Variants in LPO observed in about 807,000 individuals in gnomAD.
The protein encoded by LPO is lactoperoxidase.
Under a neutral mutation model 68.4 loss-of-function variants are expected in LPO, and 70 were observed. The ratio of observed to expected loss-of-function variants is 1.02; its 90% CI spans 0.84 to 1.25. The LOEUF (loss-of-function observed/expected upper bound fraction) is 1.25. Ranked by LOEUF, LPO falls within the 50% of genes most tolerant of loss-of-function variation. The pLI is 0.00. For missense variants in LPO, 873 were observed against 908.4 expected (o/e 0.96, Z 0.50); for synonymous variants, 360 against 357.6 (o/e 1.01, Z -0.08).
rs1270937011 is a variant in LPO at position 58,247,626 on chromosome 17, A to G, written c.313A>G (p.Thr105Ala). 20 of 1,613,646 alleles carry G rather than the reference A, an allele frequency of 1.2e-5. No individual in the cohort carries two copies. Among genetic ancestry groups the G allele is most frequent in the Non-Finnish European group, 1.7e-5 (20 of 1,179,782 alleles). Residue 105 changes from threonine (T) to alanine (A), a missense_variant, in exon 4 of 13, where the codon ACC (threonine) becomes GCC (alanine). Thr to Ala is a moderately conservative substitution (Grantham distance 58). Coordinates refer to ENST00000262290, the MANE Select transcript of LPO (RefSeq NM_006151.3). ...GAGACTGAGGCAGAAGGCATCCTTG[A>G]CCAATGTCACAGGTACAGAAAACCC... Reference protein sequence around the residue: ...LKRLRQKASLTNVTDPSLDLT... With the variant: ...LKRLRQKASLANVTDPSLDLT...
In LPO at chr17:58,259,803, C is replaced by G. The variant is rs1387551459; in HGVS notation, c.1266+4832C>G. ...CTGTACATGTTTTGTTAGATTTATA[C>G]CTCAGTATTTAATTTTCATTTTGTT... On this transcript the variant is annotated intron_variant, in intron 9 of 12. Coordinates refer to ENST00000262290, the MANE Select transcript of LPO (RefSeq NM_006151.3). 3.3e-5 allele frequency among the ~76,000 whole-genome samples: 5 copies of G among 152,162 alleles called. No individual in the cohort carries two copies. The South Asian group carries it at 1.0e-3, about 32-fold the overall frequency.
chr17:58,265,006 G>A (rs1970237196), intron 10 of LPO, 32 bp downstream of exon 10: 1 of 1,609,850 alleles, frequency 6.2e-7, no homozygotes, highest in African/African-American at 1.3e-5. Context: ...CTGTCACCTG[G>A]GTCTCCCACT....
intron 9 of LPO, among the ~76,000 whole-genome samples, chr17:58,259,540 G>A (rs189497924): frequency 1.1e-3 from 166 of 152,170 alleles, no homozygotes; most frequent in African/African-American, 3.5e-3. Context: ...TTTCAAAATT[G>A]TTTTGGATAT....
chr17:58,244,090 GACACACACACACACACACACACACACAC>G lies in LPO; in HGVS notation c.164+24_164+51del. 4 of 1,060,380 alleles carry G rather than the reference GACACACACACACACACACACACACACAC, an allele frequency of 3.8e-6. No individual in the cohort carries two copies. Among genetic ancestry groups the G allele is most frequent in the Non-Finnish European group, 5.7e-6 (4 of 706,594 alleles). 65.7% of individuals were successfully genotyped at this position (1,060,380 alleles called of 1,614,324 possible). On this transcript the variant is annotated intron_variant, in intron 3 of 12. Coordinates refer to ENST00000262290, the MANE Select transcript of LPO (RefSeq NM_006151.3). The stretch of plus-strand genomic sequence containing the variant: ...CTGGACTCCCGAACCAGGTACGTGA[GACACACACACACACACACACACACACAC>G]ACACACACACACACTTCCCTTCACA...
rs8178285 is a variant in LPO at position 58,241,253 on chromosome 17, G to T, written c.-2-1725G>T. 1.3e-5 allele frequency among the ~76,000 whole-genome samples: 2 copies of T among 150,036 alleles called. 1 individual carries two copies. The highest frequency in any genetic ancestry group is 4.9e-5 in the African/African-American group (2 of 40,676). Reference sequence around the variant, plus strand: ...AGTCTCCCGAGTAGCTGGAATTGCCGGTGTCTGCCACCACGCCTGGCTAAT... The same window carrying T: ...AGTCTCCCGAGTAGCTGGAATTGCCTGTGTCTGCCACCACGCCTGGCTAAT... On this transcript the variant is annotated intron_variant, in intron 1 of 12. Transcript: ENST00000262290.
chr17:58,256,877 A>G lies in LPO; in HGVS notation c.1266+1906A>G, dbSNP rs770888161. 2.6e-5 allele frequency among the ~76,000 whole-genome samples: 4 copies of G among 151,750 alleles called. No homozygotes were observed. In the East Asian group the frequency reaches 5.8e-4, roughly 22 times the overall value. On this transcript the variant is annotated intron_variant, in intron 9 of 12. Transcript: ENST00000262290. Reference sequence around the variant, plus strand: ...TATCCATCCTCTCAAGCATTTATACATTGAGTTGCAAACAATCCAGTTACA... The same window carrying G: ...TATCCATCCTCTCAAGCATTTATACGTTGAGTTGCAAACAATCCAGTTACA...
chr17:58,241,125 C>CT (rs1161572564), intron 1 of LPO, among the ~76,000 whole-genome samples: 3,042 of 91,240 alleles, frequency 0.033, 123 homozygotes, highest in African/African-American at 0.071. Flanking sequence ...TTTCTTTTTT[C>CT]TTTTTTTTTT....
At chr17:58,244,182 G>A (rs942920823) in intron 3 of LPO, 101 bp downstream of exon 3, 9 of 921,894 alleles carry the variant, frequency 9.8e-6, no homozygotes, top group Non-Finnish European at 1.4e-5. Flanking sequence ...GGCCAGCCCG[G>A]ATGAGCCAAT....
At chr17:58,253,082 T>C (rs1283892603) in intron 8 of LPO, among the ~76,000 whole-genome samples, 1 of 132,960 alleles carries the variant, frequency 7.5e-6, no homozygotes, top group East Asian at 2.3e-4. Flanking sequence ...AAAAAGAAAA[T>C]TCACACAATC....
At chr17:58,259,422 G>C (rs1970135064) in intron 9 of LPO, among the ~76,000 whole-genome samples, 1 of 152,120 alleles carries the variant, frequency 6.6e-6, no homozygotes, top group Non-Finnish European at 1.5e-5. Context: ...ATCTATTTCT[G>C]GGTTGTCTAT....
chr17:58,243,728 A>C (rs1347749518), intron 2 of LPO: 2 of 525,804 alleles, frequency 3.8e-6, no homozygotes, highest in Non-Finnish European at 6.9e-6. Context: ...CTGAGTGGCC[A>C]CACTCCCTCT....
intron 8 of LPO, 126 bp from the exon 9 acceptor site, chr17:58,254,685 T>G: frequency 2.5e-6 from 2 of 796,818 alleles, no homozygotes; most frequent in Non-Finnish European, 3.7e-6. Context: ...TGACGGGAAG[T>G]AGGGCTTGTT....
chr17:58,264,727 C>G lies in LPO; in HGVS notation c.1272C>G (p.Ile424Met), dbSNP rs1212879854. 6.2e-7 allele frequency: 1 copy of G among 1,613,936 alleles called. No homozygotes were observed. The highest frequency in any genetic ancestry group is 1.7e-5 in the Admixed American group (1 of 60,030). The change falls in exon 10 of 13, where the codon ATC becomes ATG. Residue 424 changes from isoleucine (I) to methionine (M), a missense_variant. Physicochemically the swap from Ile to Met is conservative, Grantham distance 10. Transcript: ENST00000262290. ...TGATTTTATTCTCCCTCCAGATTAT[C>G]ACCTTTAGGGACTACCTACCCATTT... Reference protein sequence around the residue: ...RKILGAFVQIITFRDYLPILL... With the variant: ...RKILGAFVQIMTFRDYLPILL...
intron 3 of LPO, among the ~76,000 whole-genome samples, chr17:58,245,454 T>C (rs1339628376): frequency 1.3e-5 from 2 of 151,996 alleles, no homozygotes; most frequent in African/African-American, 4.8e-5. Context: ...CTCTGGCCAG[T>C]GGCTCCCAGC....
chr17:58,245,210 C>T (rs1333393042), intron 3 of LPO, among the ~76,000 whole-genome samples: 1 of 152,126 alleles, frequency 6.6e-6, no homozygotes, highest in Non-Finnish European at 1.5e-5. Flanking sequence ...AGGCCTCTGG[C>T]GGGAGAAGAG....
At chr17:58,252,104 A>G (rs1969968379) in intron 7 of LPO, 78 bp from the exon 8 acceptor site, 1 of 1,370,778 alleles carries the variant, frequency 7.3e-7, no homozygotes, top group African/African-American at 1.4e-5. Context: ...CTTTGCATCC[A>G]GACTTGCCCT....
In LPO at chr17:58,267,416, G is replaced by A. The variant is rs1213087656; in HGVS notation, c.1761G>A (p.Val587=). 8 of 1,614,122 alleles carry A rather than the reference G, an allele frequency of 5.0e-6. No individual in the cohort carries two copies. Among genetic ancestry groups the A allele is most frequent in the Non-Finnish European group, 6.8e-6 (8 of 1,180,050 alleles). ...AGACACTAGAGGAGTTGAACACAGT[G>A]CTGAAGAGCAAGATGCTGGCCAAGA... The part of the protein sequence containing the change: ...QPQTLEELNT[V]LKSKMLAKKL... The change falls in exon 12 of 13, where the codon GTG becomes GTA. Residue 587 remains valine, a synonymous_variant. Transcript: ENST00000262290.
intron 9 of LPO, among the ~76,000 whole-genome samples, chr17:58,256,990 CT>C (rs1040765289): frequency 5.2e-3 from 391 of 75,054 alleles, no homozygotes; most frequent in Middle Eastern, 0.036. Context: ...AGGTCTTACT[CT>C]TTTTTTTTTT....
At position 58,254,718 on chromosome 17, in the gene LPO, G is replaced by A. The variant is rs1016875258; in HGVS notation, c.1106-93G>A. ...GTTGACGGGGCGGGGGGGGCGGGGC[G>A]CGGTCCTGTGGGGCACCATCATTTC... On this transcript the variant is annotated intron_variant, in intron 8 of 12. Transcript: ENST00000262290. The A allele has an allele frequency of 2.7e-5, 35 of 1,289,002 alleles. No homozygotes were observed. The African/African-American group carries it at 3.5e-4, about 13-fold the overall frequency. The allele number at this position is 1,289,002 out of a possible 1,614,324, so 79.8% of individuals were successfully genotyped here.
Sources: gnomAD v4.1 joint callset for allele counts (sites outside exome capture counted in the v4.1 genomes callset) on GRCh38, gnomAD v4.1.1 for gene constraint, MANE v1.5 for transcripts, NCBI Gene and HGNC (gene_info 2026-07-23, HGNC 2026-07-21) for gene names.